Variants in MKLN1 observed in about 807,000 individuals in gnomAD.
MKLN1 encodes muskelin 1.
Under a neutral mutation model 99.0 loss-of-function variants are expected in MKLN1, and 18 were observed. The ratio of observed to expected loss-of-function variants is 0.18; its 90% confidence interval spans 0.13 to 0.27. The LOEUF (loss-of-function observed/expected upper bound fraction) is 0.27. MKLN1 is among the 10% of genes least tolerant of loss of function. The probability of loss-of-function intolerance (pLI) is 1.00; values close to 1 mark genes in which losing one functional copy is unlikely to be tolerated. For synonymous variants in MKLN1, 288 were observed against 293.2 expected (o/e 0.98, Z 0.18); for missense variants, 621 against 875.9 (o/e 0.71, Z 3.67).
At chr7:131,247,028 T>G (rs1797499414) in intron 3 of MKLN1, among the ~76,000 whole-genome samples, 1 of 152,136 alleles carries the variant, frequency 6.6e-6, no homozygotes, top group Non-Finnish European at 1.5e-5. Flanking sequence ...ATCTGATCAC[T>G]TTATTAAACC....
At chr7:131,242,298 G>A (rs1797416373) in intron 3 of MKLN1, among the ~76,000 whole-genome samples, 1 of 152,166 alleles carries the variant, frequency 6.6e-6, no homozygotes, top group South Asian at 2.1e-4. Context: ...CAATTTGGGA[G>A]GCTAAAGCAG....
chr7:131,371,022 A>G (rs1793433748), intron 1 of MKLN1, among the ~76,000 whole-genome samples: 1 of 151,686 alleles, frequency 6.6e-6, no homozygotes, highest in Admixed American at 6.6e-5. Flanking sequence ...TTTCTTTTTA[A>G]TTTTCCTTTC....
chr7:131,417,748 A>T (rs1795062967), intron 8 of MKLN1, among the ~76,000 whole-genome samples: 1 of 152,206 alleles, frequency 6.6e-6, no homozygotes, highest in Non-Finnish European at 1.5e-5. Context: ...AGAAATAGGG[A>T]TAGAAGTGAT....
chr7:131,341,999 C>T (rs1799421265), intron 1 of MKLN1, among the ~76,000 whole-genome samples: 1 of 152,332 alleles, frequency 6.6e-6, no homozygotes, highest in African/African-American at 2.4e-5. Context: ...ATTATATCCA[C>T]TTATTGGCTA....
intron 12 of MKLN1, among the ~76,000 whole-genome samples, chr7:131,446,326 C>A (rs895489924): frequency 5.3e-5 from 8 of 152,264 alleles, no homozygotes; most frequent in Non-Finnish European, 1.0e-4. Context: ...AAAAGCTCAG[C>A]ATCTAGGAGG....
At chr7:131,142,236 T>G (rs1419821166) in intron 1 of MKLN1, among the ~76,000 whole-genome samples, 1 of 151,974 alleles carries the variant, frequency 6.6e-6, no homozygotes, top group Non-Finnish European at 1.5e-5. Context: ...CAAAACCCTG[T>G]CTCTACTAAA....
At chr7:131,197,176 A>C (rs548128642) in intron 2 of MKLN1, among the ~76,000 whole-genome samples, 1 of 152,188 alleles carries the variant, frequency 6.6e-6, no homozygotes, top group Non-Finnish European at 1.5e-5. Flanking sequence ...TTAGAGGGTA[A>C]ACTTCAGAGC....
At chr7:131,237,144 G>C (rs930534095) in intron 3 of MKLN1, among the ~76,000 whole-genome samples, 32 of 152,146 alleles carry the variant, frequency 2.1e-4, no homozygotes, top group African/African-American at 7.5e-4. Context: ...ACTGGCCTTA[G>C]TGTATATATG....
chr7:131,308,816 C>T (rs1451819292), intron 3 of MKLN1, among the ~76,000 whole-genome samples: 1 of 152,164 alleles, frequency 6.6e-6, no homozygotes, highest in African/African-American at 2.4e-5. Flanking sequence ...AACTCCCAAC[C>T]TCAGGTGATC....
rs117332574 is a variant in MKLN1, at chr7:131,404,683, C to T, written c.703+5250C>T. On this transcript the variant is annotated intron_variant, in intron 6 of 17. Transcript: ENST00000352689. ...GCAGTGGCACAGTCACGGCTCACTA[C>T]AGCCTTGACCTCCCTGGGCTCAAGT... Among the ~76,000 whole-genome samples the T allele has an allele frequency of 3.2e-3, 485 of 152,096 alleles. 8 individuals are homozygous for T. The East Asian group carries it at 0.044, about 14-fold the overall frequency.
chr7:131,136,531 A>G (rs1185237601), intron 1 of MKLN1, among the ~76,000 whole-genome samples: 3 of 152,048 alleles, frequency 2.0e-5, no homozygotes, highest in African/African-American at 7.3e-5. Flanking sequence ...TCCCTGTGTC[A>G]TTTTCCTCAA....
chr7:131,286,296 A>G (rs1458060385), intron 3 of MKLN1, among the ~76,000 whole-genome samples: 2 of 152,162 alleles, frequency 1.3e-5, no homozygotes, highest in East Asian at 3.8e-4. Context: ...ATGTTTATTG[A>G]ATGAATCAAA....
chr7:131,421,210 A>G (rs1312971885), intron 8 of MKLN1, among the ~76,000 whole-genome samples: 1 of 152,166 alleles, frequency 6.6e-6, no homozygotes, highest in Non-Finnish European at 1.5e-5. Context: ...TTTCTCTCCA[A>G]AATTTCTTCT....
At chr7:131,293,434 A>G (rs924079055) in intron 3 of MKLN1, among the ~76,000 whole-genome samples, 15 of 152,242 alleles carry the variant, frequency 9.9e-5, no homozygotes, top group African/African-American at 3.6e-4. Flanking sequence ...ATTAGTTTAA[A>G]TGCAAACTGA....
At chr7:131,387,650 T>C (rs1276606564) in intron 3 of MKLN1, among the ~76,000 whole-genome samples, 1 of 152,136 alleles carries the variant, frequency 6.6e-6, no homozygotes, top group African/African-American at 2.4e-5. Flanking sequence ...CCAGAAGCAA[T>C]ATTCTAGTGG....
chr7:131,260,476 A>G (rs369800611), intron 3 of MKLN1, among the ~76,000 whole-genome samples: 4 of 152,244 alleles, frequency 2.6e-5, no homozygotes, highest in South Asian at 4.1e-4. Context: ...GTCAGAGATG[A>G]CACAAATGAA....
intron 3 of MKLN1, among the ~76,000 whole-genome samples, chr7:131,300,213 T>G (rs1584899933): frequency 6.6e-6 from 1 of 151,638 alleles, no homozygotes; most frequent in East Asian, 1.9e-4. Flanking sequence ...GTGCAGAGGC[T>G]AAGAAAGAAA....
intron 8 of MKLN1, among the ~76,000 whole-genome samples, chr7:131,428,146 C>T (rs1276739067): frequency 6.6e-6 from 1 of 151,914 alleles, no homozygotes; most frequent in Non-Finnish European, 1.5e-5. Flanking sequence ...GCATGGGCAA[C>T]AGAGAGAGAC....
intron 8 of MKLN1, among the ~76,000 whole-genome samples, chr7:131,420,058 G>T (rs1314628327): frequency 6.6e-6 from 1 of 152,114 alleles, no homozygotes; most frequent in African/African-American, 2.4e-5. Flanking sequence ...TCACATTTTG[G>T]ATGTATTTTA....
Sources: allele counts gnomAD v4.1 joint callset (sites outside exome capture counted in the v4.1 genomes callset), GRCh38; gene constraint gnomAD v4.1.1; transcripts MANE v1.5; gene names NCBI Gene and HGNC (gene_info 2026-07-23, HGNC 2026-07-21).